Variants in OSBPL10 observed in about 807,000 individuals in gnomAD.
The protein encoded by OSBPL10 is oxysterol-binding protein-related protein 10.
In OSBPL10, 49 loss-of-function variants were observed where a neutral mutation model predicts 81.7. The ratio of observed to expected loss-of-function variants is 0.60; its 90% CI spans 0.48 to 0.76. The LOEUF is 0.76. Among genes scored for constraint, OSBPL10 ranks in the 30% least tolerant of loss-of-function variants. The pLI is 0.00. For synonymous variants in OSBPL10, 419 were observed against 383.6 expected, an observed-to-expected ratio of 1.09 and a Z score of -1.08; for missense variants, 923 against 987.8, an observed-to-expected ratio of 0.93 and a Z score of 0.88.
At chr3:31,952,713 A>G (rs530454200) in intron 1 of OSBPL10, among the ~76,000 whole-genome samples, 1 of 152,254 alleles carries the variant, frequency 6.6e-6, no homozygotes, top group African/African-American at 2.4e-5. Context: ...TGTCCCCCCA[A>G]CATCAGTTGG....
intron 4 of OSBPL10, among the ~76,000 whole-genome samples, chr3:31,753,497 A>T (rs58205531): frequency 0.49 from 74,546 of 151,920 alleles, 18,589 homozygotes; most frequent in East Asian, 0.65. Context: ...TTTATGGATC[A>T]TTAAACCAAA....
chr3:32,041,861 T>C (rs1181785494), intron 2 of OSBPL10, among the ~76,000 whole-genome samples: 5 of 152,168 alleles, frequency 3.3e-5, no homozygotes, highest in Non-Finnish European at 5.9e-5. Context: ...TGTTTCACCA[T>C]GTTGGCCAGG....
Position 31,787,464 on chromosome 3 carries a change from G to A in OSBPL10, c.730-39344C>T, listed in dbSNP as rs757717920. On this transcript the variant is annotated intron_variant, in intron 4 of 11. Transcript: ENST00000396556. ...ACTAAAATTAGCCAGGCATGGAGGC[G>A]GGTCCCTGTAGTCCCAGCTACTTGG... Among the ~76,000 whole-genome samples the A allele has an allele frequency of 8.5e-5, 13 of 152,048 alleles. No homozygotes were observed. In the East Asian group the frequency reaches 1.9e-3, roughly 23 times the overall value.
At chr3:31,778,824 A>C (rs909302100) in intron 4 of OSBPL10, among the ~76,000 whole-genome samples, 6 of 152,210 alleles carry the variant, frequency 3.9e-5, no homozygotes, top group African/African-American at 1.4e-4. Context: ...CAAAAGCATC[A>C]GGTAACCTAT....
chr3:31,967,858 T>C (rs1234228509), intron 1 of OSBPL10, among the ~76,000 whole-genome samples: 2 of 152,202 alleles, frequency 1.3e-5, no homozygotes, highest in East Asian at 3.8e-4. Flanking sequence ...AATGGATGCT[T>C]CAGTGGCCAC....
intron 1 of OSBPL10, among the ~76,000 whole-genome samples, chr3:31,967,488 G>GA (rs11386348): frequency 0.26 from 38,575 of 148,980 alleles, 6,308 homozygotes; most frequent in African/African-American, 0.46. Flanking sequence ...TCAAAAAAAT[G>GA]AAAAAAAAAA....
intron 2 of OSBPL10, among the ~76,000 whole-genome samples, chr3:32,022,147 A>T (rs1699368139): frequency 6.6e-6 from 1 of 151,952 alleles, no homozygotes; most frequent in Non-Finnish European, 1.5e-5. Flanking sequence ...CAGCTTATCT[A>T]TTTTTTCTGA....
At chr3:31,990,845 T>C (rs1699019409) in intron 2 of OSBPL10, 2 of 1,585,280 alleles carry the variant, frequency 1.3e-6, no homozygotes, top group African/African-American at 2.7e-5. Flanking sequence ...AGAATTCATA[T>C]GGGAGAGAAA....
In OSBPL10 at chr3:31,851,997, G is replaced by A. The variant is rs191869870; in HGVS notation, c.538-21766C>T. 9.1e-4 allele frequency among the ~76,000 whole-genome samples: 139 copies of A among 152,262 alleles called. 1 individual carries two copies. Among genetic ancestry groups the A allele is most frequent in the African/African-American group, 3.0e-3 (126 of 41,542 alleles). ...AAAAGCTCAACTGCAGAACCACCCC[G>A]CTGGCCTTGCTTCTCTCTTATACAC... On this transcript the variant is annotated intron_variant, in intron 3 of 11. Transcript: ENST00000396556.
At chr3:31,893,389 C>T (rs1289474137) in intron 1 of OSBPL10, among the ~76,000 whole-genome samples, 5 of 152,110 alleles carry the variant, frequency 3.3e-5, no homozygotes, top group African/African-American at 9.7e-5. Context: ...CCCACTAGAA[C>T]AGCTATAATT....
chr3:31,668,520 G>A (rs747812377), intron 10 of OSBPL10, 122 bp downstream of exon 10: 44 of 888,430 alleles, frequency 5.0e-5, no homozygotes, highest in Admixed American at 9.1e-5. Context: ...AAAGAAGCCA[G>A]TAGAACATGA....
chr3:31,775,117 A>G (rs1698515360), intron 4 of OSBPL10, among the ~76,000 whole-genome samples: 3 of 152,088 alleles, frequency 2.0e-5, no homozygotes, highest in African/African-American at 7.2e-5. Flanking sequence ...GGTTGCAGTG[A>G]GCCAAGATCA....
At chr3:31,975,676 T>A (rs1258021493) in intron 1 of OSBPL10, among the ~76,000 whole-genome samples, 1 of 152,158 alleles carries the variant, frequency 6.6e-6, no homozygotes, top group Non-Finnish European at 1.5e-5. Flanking sequence ...GGACAGATGA[T>A]AAACACAGCA....
chr3:31,783,833 T>TGAATAAATAAATAA (rs1698787142), intron 4 of OSBPL10, among the ~76,000 whole-genome samples: 1 of 79,782 alleles, frequency 1.3e-5, no homozygotes. Flanking sequence ...AATATATATA[T>TGAATAAATAAATAA]ATATATATAT....
chr3:31,823,537 G>A (rs376091199), intron 4 of OSBPL10, among the ~76,000 whole-genome samples: 1 of 152,094 alleles, frequency 6.6e-6, no homozygotes, highest in Non-Finnish European at 1.5e-5. Context: ...TCTAGTAGGC[G>A]AATTTAAAAG....
chr3:31,765,945 T>G (rs1698182428), intron 4 of OSBPL10, among the ~76,000 whole-genome samples: 1 of 152,134 alleles, frequency 6.6e-6, no homozygotes, highest in Non-Finnish European at 1.5e-5. Context: ...CAGAAACTAC[T>G]TGAAAGAGCT....
intron 4 of OSBPL10, among the ~76,000 whole-genome samples, chr3:31,803,257 C>T (rs950668537): frequency 5.3e-4 from 81 of 152,306 alleles, no homozygotes; most frequent in African/African-American, 1.7e-3. Flanking sequence ...CCCAGAGAGG[C>T]GCTGGCCTGA....
chr3:31,680,725 C>T (rs1459537962), intron 8 of OSBPL10, among the ~76,000 whole-genome samples: 1 of 152,158 alleles, frequency 6.6e-6, no homozygotes, highest in Admixed American at 6.5e-5. Context: ...TTCCTGTGCC[C>T]CTCTAAGGAG....
chr3:31,812,134 C>G (rs1699697660), intron 4 of OSBPL10, among the ~76,000 whole-genome samples: 1 of 152,156 alleles, frequency 6.6e-6, no homozygotes, highest in African/African-American at 2.4e-5. Context: ...CAGGTTCAAG[C>G]AATTCTCCTG....
Sources: allele counts gnomAD v4.1 joint callset (sites outside exome capture counted in the v4.1 genomes callset), GRCh38; gene constraint gnomAD v4.1.1; transcripts MANE v1.5; gene names NCBI Gene and HGNC (gene_info 2026-07-23, HGNC 2026-07-21).